IMMP2L: variants seen among roughly 807,000 people sequenced by gnomAD.
The protein encoded by IMMP2L is mitochondrial inner membrane protease subunit 2.
IMMP2L carries 18 observed loss-of-function variants against 19.3 expected under a neutral mutation model. The observed-to-expected ratio is 0.93, with a 90% CI of 0.64 to 1.38. The LOEUF is 1.38. IMMP2L is among the 40% of genes most tolerant of loss of function. The pLI is 0.00. For synonymous variants in IMMP2L, 76 were observed against 73.0 expected (o/e 1.04, Z -0.21); for missense variants, 233 against 218.2 (o/e 1.07, Z -0.43).
chr7:111,377,122 T>C (rs1034163524), intron 3 of IMMP2L, among the ~76,000 whole-genome samples: 1 of 151,848 alleles, frequency 6.6e-6, no homozygotes, highest in African/African-American at 2.4e-5. Flanking sequence ...AAATATAGTA[T>C]ATATAGTTAT....
chr7:111,194,352 A>G (rs1809237770), intron 3 of IMMP2L, among the ~76,000 whole-genome samples: 2 of 152,198 alleles, frequency 1.3e-5, no homozygotes, highest in African/African-American at 4.8e-5. Context: ...ATGACAGTCT[A>G]CCATTTAGTC....
At chr7:110,772,782 G>A (rs1452910776) in intron 5 of IMMP2L, among the ~76,000 whole-genome samples, 1 of 152,134 alleles carries the variant, frequency 6.6e-6, no homozygotes, top group Non-Finnish European at 1.5e-5. Context: ...CAAGCCCTGG[G>A]TGTGGAGCAC....
intron 3 of IMMP2L, among the ~76,000 whole-genome samples, chr7:111,009,780 GA>G (rs1824728103): frequency 6.6e-6 from 1 of 152,082 alleles, no homozygotes; most frequent in Non-Finnish European, 1.5e-5. Flanking sequence ...TTCTACTTTG[GA>G]AAATGGATTT....
At chr7:111,403,194 C>T (rs1833617149) in intron 3 of IMMP2L, among the ~76,000 whole-genome samples, 1 of 151,936 alleles carries the variant, frequency 6.6e-6, no homozygotes, top group Non-Finnish European at 1.5e-5. Context: ...TTTCCCCATG[C>T]TATTCTCGTG....
chr7:111,204,586 T>C (rs1295998412), intron 3 of IMMP2L, among the ~76,000 whole-genome samples: 1 of 152,196 alleles, frequency 6.6e-6, no homozygotes, highest in Non-Finnish European at 1.5e-5. Context: ...TACTATACTT[T>C]GTGATTTTGA....
chr7:110,728,870 A>G lies in IMMP2L; in HGVS notation c.409-65149T>C, dbSNP rs372197264. Among the ~76,000 whole-genome samples the G allele has an allele frequency of 3.3e-5, 5 of 152,252 alleles. No individual in the cohort carries two copies. The highest frequency in any genetic ancestry group is 9.6e-5 in the African/African-American group (4 of 41,556). ...TTGTCCATGGTAATACAAATAGTAT[A>G]TGGTAGAAGTGGGATAAACAGTTGT... is the stretch of plus-strand genomic sequence containing the variant. On this transcript the variant is annotated intron_variant, in intron 5 of 5. Coordinates refer to ENST00000405709, the MANE Select transcript of IMMP2L (RefSeq NM_032549.4). This position sits in a 1 kb window ranked among gnomAD's most constrained non-coding sequence, Gnocchi z 4.6.
At chr7:110,908,153 G>C (rs1378061493) in intron 4 of IMMP2L, among the ~76,000 whole-genome samples, 1 of 152,108 alleles carries the variant, frequency 6.6e-6, no homozygotes, top group East Asian at 1.9e-4. Context: ...AGCTACAAAG[G>C]GAGGAAAAGC....
chr7:111,029,014 G>T (rs1420101509), intron 3 of IMMP2L, among the ~76,000 whole-genome samples: 1 of 152,064 alleles, frequency 6.6e-6, no homozygotes, highest in African/African-American at 2.4e-5. Context: ...ATATCTATTA[G>T]CCTTCTAAAA....
intron 4 of IMMP2L, among the ~76,000 whole-genome samples, chr7:110,916,719 A>G (rs987312586): frequency 5.3e-5 from 8 of 152,356 alleles, no homozygotes; most frequent in Non-Finnish European, 7.4e-5. Flanking sequence ...CAGTTTTATT[A>G]TCATCAACTT....
chr7:111,120,994 T>C, intron 3 of IMMP2L, among the ~76,000 whole-genome samples: 1 of 151,400 alleles, frequency 6.6e-6, no homozygotes, highest in East Asian at 1.9e-4. Context: ...CTTTTTTCCC[T>C]ATAACTAAAT....
chr7:111,117,661 C>A (rs1272193619), intron 3 of IMMP2L, among the ~76,000 whole-genome samples: 2 of 151,944 alleles, frequency 1.3e-5, no homozygotes, highest in African/African-American at 4.8e-5. Context: ...GGATATGGAA[C>A]CTTCAATTAG....
intron 3 of IMMP2L, among the ~76,000 whole-genome samples, chr7:111,142,027 T>A (rs1482606720): frequency 1.3e-5 from 2 of 152,102 alleles, no homozygotes; most frequent in African/African-American, 2.4e-5. Flanking sequence ...TTTGCATACA[T>A]GAAAATCTGA....
At chr7:110,970,061 G>GA (rs1460187052) in intron 3 of IMMP2L, among the ~76,000 whole-genome samples, 3 of 152,076 alleles carry the variant, frequency 2.0e-5, no homozygotes, top group East Asian at 1.9e-4. Context: ...ATGTGATTAG[G>GA]AAAAATTTAA....
In IMMP2L at chr7:111,217,621, T is replaced by A. The variant is rs370429232; in HGVS notation, c.240-254056A>T. ...GTCCGTTGAGTCAGAAAGAGAATTG[T>A]GACAGAATTATCCAATCTCCTTTAC... On this transcript the variant is annotated intron_variant, in intron 3 of 5. Transcript: ENST00000405709. Among the ~76,000 whole-genome samples, 24 of 152,272 alleles carry A rather than the reference T, an allele frequency of 1.6e-4. No individual in the cohort carries two copies. The East Asian group carries it at 4.4e-3, about 28-fold the overall frequency.
chr7:110,865,938 A>G (rs1807937987), intron 5 of IMMP2L, among the ~76,000 whole-genome samples: 1 of 152,024 alleles, frequency 6.6e-6, no homozygotes, highest in South Asian at 2.1e-4. Flanking sequence ...GAAATTCTCT[A>G]GGCATGTCAA....
chr7:111,235,525 T>C (rs1814198646), intron 3 of IMMP2L, among the ~76,000 whole-genome samples: 1 of 151,928 alleles, frequency 6.6e-6, no homozygotes, highest in African/African-American at 2.4e-5. Flanking sequence ...AGTTTAAAAA[T>C]GTTATTCTAC....
At chr7:110,944,355 A>T (rs1355278894) in intron 4 of IMMP2L, among the ~76,000 whole-genome samples, 1 of 152,008 alleles carries the variant, frequency 6.6e-6, no homozygotes, top group Non-Finnish European at 1.5e-5. Flanking sequence ...ATGGGGATGG[A>T]GAAGGATCTG....
chr7:110,684,569 G>A (rs1792970591), intron 5 of IMMP2L, among the ~76,000 whole-genome samples: 1 of 151,930 alleles, frequency 6.6e-6, no homozygotes, highest in Admixed American at 6.6e-5. Context: ...GCAAGCAGAT[G>A]AGGTTGACTG....
chr7:110,677,851 G>A (rs1792427774), intron 5 of IMMP2L, among the ~76,000 whole-genome samples: 1 of 152,166 alleles, frequency 6.6e-6, no homozygotes, highest in African/African-American at 2.4e-5. Context: ...AAGCTAAAAG[G>A]CACAGAGTCA....
Sources: allele counts gnomAD v4.1 joint callset (sites outside exome capture counted in the v4.1 genomes callset), GRCh38; gene constraint gnomAD v4.1.1; non-coding constraint Gnocchi (gnomAD v3.1); transcripts MANE v1.5; gene names NCBI Gene and HGNC (gene_info 2026-07-23, HGNC 2026-07-21).